NEBL: variants seen among roughly 807,000 people sequenced by gnomAD.
The protein encoded by NEBL is nebulette, also known as LIM and SH3 protein 2.
NEBL carries 122 observed loss-of-function variants against 140.2 expected under a neutral mutation model. The ratio of observed to expected loss-of-function variants is 0.87; its 90% CI spans 0.75 to 1.01. The LOEUF (loss-of-function observed/expected upper bound fraction) is 1.01. NEBL is among the 50% of genes least tolerant of loss of function. The pLI is 0.00. For synonymous variants in NEBL, 436 were observed against 398.9 expected, an observed-to-expected ratio of 1.09 and a Z score of -1.11; for missense variants, 1,365 against 1,231.3, an observed-to-expected ratio of 1.11 and a Z score of -1.62.
intron 2 of NEBL, among the ~76,000 whole-genome samples, chr10:21,116,630 G>A (rs1410035090): frequency 6.6e-6 from 1 of 151,822 alleles, no homozygotes; most frequent in Non-Finnish European, 1.5e-5. Context: ...TCCTCATTAT[G>A]GGTCACATTT....
intron 3 of NEBL, among the ~76,000 whole-genome samples, chr10:21,230,714 C>A (rs111687485): frequency 0.039 from 5,947 of 151,718 alleles, 186 homozygotes; most frequent in South Asian, 0.14. Context: ...AAGCGTTTCT[C>A]CTGCCTCAGC....
intron 3 of NEBL, among the ~76,000 whole-genome samples, chr10:20,974,614 A>G (rs1205042910): frequency 2.0e-5 from 3 of 152,198 alleles, no homozygotes; most frequent in Non-Finnish European, 4.4e-5. Flanking sequence ...AACAATGTAA[A>G]CAAGATCTGA....
In NEBL at chr10:20,783,524, A is replaced by T. The variant is rs1835164404; in HGVS notation, c.*2223T>A. On this transcript the variant is annotated 3_prime_UTR_variant, in exon 28 of 28. Coordinates refer to ENST00000377122, the MANE Select transcript of NEBL (RefSeq NM_006393.3). ...TCTGGTTTTGAAATCGGTGGATGAA[A>T]TTACTTTCCTGATTACAAGCATTAT... The T allele has an allele frequency of 6.6e-6, 1 of 152,158 alleles. No homozygotes were observed. The highest frequency in any genetic ancestry group is 1.5e-5 in the Non-Finnish European group (1 of 68,034). The allele number at this position is 152,158 out of a possible 1,614,324, so 9.4% of individuals were successfully genotyped here. A position where few individuals can be genotyped will look rare whatever the true frequency, so the allele number is the denominator to read the frequency against.
chr10:20,985,055 C>A (rs1174705678), intron 3 of NEBL, among the ~76,000 whole-genome samples: 1 of 152,158 alleles, frequency 6.6e-6, no homozygotes, highest in African/African-American at 2.4e-5. Flanking sequence ...AAGCTCGGGG[C>A]ACTCACTGAT....
In NEBL at chr10:20,823,182, A is replaced by T. The variant is rs11012353; in HGVS notation, c.1962+26T>A. The T allele has an allele frequency of 0.28, 427,337 of 1,529,398 alleles. 61,906 individuals carry two copies. The highest frequency in any genetic ancestry group is 0.44 in the East Asian group (19,369 of 43,756). 94.7% of individuals were successfully genotyped at this position (1,529,398 alleles called of 1,614,324 possible). A position where few individuals can be genotyped will look rare whatever the true frequency, so the allele number is the denominator to read the frequency against. On this transcript the variant is annotated intron_variant, in intron 19 of 27. Coordinates refer to ENST00000377122, the MANE Select transcript of NEBL (RefSeq NM_006393.3). ...CGTGTTGATATACAATAAAATTTTT[A>T]AAAAATACTTAAGAAATATGATCAC...
intron 2 of NEBL, chr10:21,030,261 A>G (rs1167902647): frequency 6.6e-6 from 4 of 603,444 alleles, no homozygotes; most frequent in Non-Finnish European, 1.2e-5. Context: ...CCGGAGAGGC[A>G]CCCAAGCTGG....
chr10:20,792,811 A>C (rs1178719822), intron 26 of NEBL, among the ~76,000 whole-genome samples: 2 of 152,040 alleles, frequency 1.3e-5, no homozygotes, highest in Non-Finnish European at 2.9e-5. Flanking sequence ...CTCAAAAAAA[A>C]AAAAAACAAA....
At chr10:20,857,805 G>A (rs1275695679) in intron 9 of NEBL, among the ~76,000 whole-genome samples, 1 of 152,032 alleles carries the variant, frequency 6.6e-6, no homozygotes, top group Non-Finnish European at 1.5e-5. Flanking sequence ...AATGCTGTTA[G>A]GAATTATTTG....
chr10:21,217,525 T>C (rs1842010728), intron 3 of NEBL, among the ~76,000 whole-genome samples: 1 of 152,168 alleles, frequency 6.6e-6, no homozygotes, highest in South Asian at 2.1e-4. Context: ...AACTTTAACA[T>C]TGATAGCATC....
upstream of NEBL, among the ~76,000 whole-genome samples, chr10:21,178,019 C>T (rs967741537): frequency 3.3e-5 from 5 of 152,084 alleles, no homozygotes; most frequent in South Asian, 6.2e-4. Flanking sequence ...GGAAAGTTTT[C>T]GCAACCAACA....
At chr10:21,186,394 G>C (rs1436458268) in intron 3 of NEBL, among the ~76,000 whole-genome samples, 1 of 152,106 alleles carries the variant, frequency 6.6e-6, no homozygotes, top group African/African-American at 2.4e-5. Context: ...TAGGTCATGA[G>C]GGTGTATACG....
At chr10:21,156,092 A>C (rs1175963943) in intron 2 of NEBL, among the ~76,000 whole-genome samples, 1 of 152,232 alleles carries the variant, frequency 6.6e-6, no homozygotes, top group Non-Finnish European at 1.5e-5. Context: ...CTGGCCACTC[A>C]AGTGGTAAAA....
At chr10:21,268,916 TAAAA>T (rs1842829681) in intron 1 of NEBL, among the ~76,000 whole-genome samples, 1 of 152,134 alleles carries the variant, frequency 6.6e-6, no homozygotes, top group Non-Finnish European at 1.5e-5. Context: ...TCGTATGAGT[TAAAA>T]TAAAACATCC....
At chr10:21,117,955 T>C (rs534630968) in intron 2 of NEBL, among the ~76,000 whole-genome samples, 42 of 152,208 alleles carry the variant, frequency 2.8e-4, no homozygotes, top group African/African-American at 9.6e-4. Flanking sequence ...CTCGGGGATA[T>C]AGTGAGGTTT....
chr10:21,222,098 A>G (rs1842076586), intron 3 of NEBL, among the ~76,000 whole-genome samples: 1 of 151,884 alleles, frequency 6.6e-6, no homozygotes, highest in Non-Finnish European at 1.5e-5. Context: ...CTCATTTTGA[A>G]GTTTATATTT....
At chr10:21,255,941 C>T (rs112300718) in intron 1 of NEBL, among the ~76,000 whole-genome samples, 1 of 149,426 alleles carries the variant, frequency 6.7e-6, no homozygotes, top group South Asian at 2.1e-4. Flanking sequence ...GAGATCGCAC[C>T]ACTGCACTCC....
intron 2 of NEBL, among the ~76,000 whole-genome samples, chr10:20,895,023 A>C (rs2131399503): frequency 6.6e-6 from 1 of 152,228 alleles, no homozygotes; most frequent in South Asian, 2.1e-4. Context: ...TAATAAACAG[A>C]AAGTATGCCT....
intron 4 of NEBL, among the ~76,000 whole-genome samples, chr10:20,904,927 C>T (rs1012190439): frequency 2.6e-5 from 4 of 152,154 alleles, no homozygotes; most frequent in African/African-American, 4.8e-5. Flanking sequence ...CCAATTAATT[C>T]GTAACATGTC....
chr10:21,027,654 G>A (rs1224220812), intron 2 of NEBL, among the ~76,000 whole-genome samples: 1 of 152,072 alleles, frequency 6.6e-6, no homozygotes, highest in African/African-American at 2.4e-5. Context: ...CATTTAAAAA[G>A]CAAAAGTTGT....
Sources: allele counts gnomAD v4.1 joint callset (sites outside exome capture counted in the v4.1 genomes callset), GRCh38; gene constraint gnomAD v4.1.1; transcripts MANE v1.5; gene names NCBI Gene and HGNC (gene_info 2026-07-23, HGNC 2026-07-21).